The following EIF2AK4 variants were observed in gnomAD, a reference collection of about 807,000 sequenced individuals.
EIF2AK4 encodes the protein eukaryotic translation initiation factor 2 alpha kinase 4.
EIF2AK4 carries 139 observed loss-of-function variants against 211.1 expected under a neutral mutation model. The observed-to-expected ratio is 0.66, with a 90% confidence interval of 0.57 to 0.76. The LOEUF (loss-of-function observed/expected upper bound fraction) is 0.76. Ranked by LOEUF, EIF2AK4 falls within the 30% of genes least tolerant of loss-of-function variation. The pLI, the probability that EIF2AK4 is intolerant of heterozygous loss-of-function variation, is 0.00. For missense variants in EIF2AK4, 1,664 were observed against 2,043.8 expected (o/e 0.81, Z 3.58); for synonymous variants, 710 against 751.3 (o/e 0.94, Z 0.90).
intron 2 of EIF2AK4, among the ~76,000 whole-genome samples, chr15:39,940,959 A>C (rs976873254): frequency 2.0e-5 from 3 of 152,076 alleles, no homozygotes; most frequent in African/African-American, 7.2e-5. Flanking sequence ...CACAGAACTC[A>C]GTTTCTGTGA....
chr15:39,968,824 G>A (rs528663407), intron 9 of EIF2AK4, among the ~76,000 whole-genome samples: 1 of 151,950 alleles, frequency 6.6e-6, no homozygotes, highest in East Asian at 1.9e-4. Flanking sequence ...TTACAGATGT[G>A]AAAGTAGCTG....
At position 39,985,703 on chromosome 15, in the gene EIF2AK4, G is replaced by A. The variant is rs60196164; in HGVS notation, c.2320-102G>A. ...CACTGACTTCTCCCTAAGGCAACTG[G>A]GTGGCCCTGTGTTGGGGGTGGGCAC... On this transcript the variant is annotated intron_variant, in intron 13 of 38. Coordinates refer to ENST00000263791, the MANE Select transcript of EIF2AK4 (RefSeq NM_001013703.4). 6.4e-3 allele frequency: 6,204 copies of A among 963,742 alleles called. 235 individuals carry two copies. The African/African-American group carries it at 0.085, about 13-fold the overall frequency. The allele number at this position is 963,742 out of a possible 1,614,324, so 59.7% of individuals were successfully genotyped here.
rs1402462210 is a variant in EIF2AK4 at position 39,985,798 on chromosome 15, G to T, written c.2320-7G>T. The T allele has an allele frequency of 1.2e-6, 2 of 1,613,868 alleles. No individual in the cohort carries two copies. The highest frequency in any genetic ancestry group is 2.7e-5 in the African/African-American group (2 of 74,902). On this transcript the variant is annotated splice_region_variant and splice_polypyrimidine_tract_variant and intron_variant, in intron 13 of 38. Transcript: ENST00000263791. Reference sequence around the variant, plus strand: ...TTTTGAGTTATTGTGTGTTCGTCTTGGGTTAGGATGAAGATTGCAATGAAA... The same window carrying T: ...TTTTGAGTTATTGTGTGTTCGTCTTTGGTTAGGATGAAGATTGCAATGAAA...
intron 37 of EIF2AK4, 28 bp from the exon 38 acceptor site, chr15:40,034,298 T>A: frequency 6.3e-7 from 1 of 1,586,462 alleles, no homozygotes; most frequent in Non-Finnish European, 8.6e-7. Flanking sequence ...AGAGACCTGT[T>A]GTTAAGTCTT....
chr15:40,027,816 G>C, intron 33 of EIF2AK4, among the ~76,000 whole-genome samples: 1 of 151,904 alleles, frequency 6.6e-6, no homozygotes, highest in East Asian at 1.9e-4. Context: ...GCGTGAACCC[G>C]GGAGGTGGAG....
intron 6 of EIF2AK4, among the ~76,000 whole-genome samples, chr15:39,957,710 A>T (rs530520582): frequency 1.7e-4 from 26 of 152,318 alleles, no homozygotes; most frequent in African/African-American, 6.0e-4. Context: ...GACACATGGT[A>T]GGTGCCTGGT....
chr15:40,030,381 A>C lies in EIF2AK4; in HGVS notation c.4584A>C (p.Ala1528=), dbSNP rs1017094877. Residue 1528 remains alanine, a synonymous_variant, in exon 35 of 39, where the codon GCA becomes GCC. Coordinates refer to ENST00000263791, the MANE Select transcript of EIF2AK4 (RefSeq NM_001013703.4). The part of the protein sequence containing the change: ...NASGLFEIHG[A]TVVPIVSVLA... ...CAGGTTTGTTTGAAATCCATGGAGC[A>C]ACAGTGGTTCCCATTGTGAGTGTGC... The C allele has an allele frequency of 1.9e-6, 3 of 1,614,006 alleles. No individual in the cohort carries two copies. The African/African-American group carries it at 4.0e-5, about 22-fold the overall frequency.
chr15:39,992,193 G>A lies in EIF2AK4; in HGVS notation c.2650G>A (p.Asp884Asn), dbSNP rs201095191. Residue 884 changes from aspartate (D) to asparagine (N), a missense_variant, in exon 17 of 39, where the codon GAT (aspartate) becomes AAT (asparagine). Asp to Asn is a conservative substitution (Grantham distance 23). Transcript: ENST00000263791. ...LAFSADSKQD[D>N]QTGDLIKSDP... ...TTTTTAGGCTGACAGCAAACAAGACGATCAGACAGGAGACTTGATTAAGTC... is the reference window on the plus strand; with the variant it reads ...TTTTTAGGCTGACAGCAAACAAGACAATCAGACAGGAGACTTGATTAAGTC... 1.1e-5 allele frequency: 17 copies of A among 1,611,724 alleles called. No individual in the cohort carries two copies. Among genetic ancestry groups the A allele is most frequent in the African/African-American group, 5.3e-5 (4 of 74,970 alleles).
intron 29 of EIF2AK4, among the ~76,000 whole-genome samples, chr15:40,018,845 C>G (rs946230801): frequency 2.6e-5 from 4 of 152,116 alleles, no homozygotes; most frequent in Non-Finnish European, 5.9e-5. Flanking sequence ...ATTTCAAATA[C>G]TCAGTAGTCA....
At chr15:39,992,970 A>G in intron 18 of EIF2AK4, 122 bp downstream of exon 18, 1 of 915,042 alleles carries the variant, frequency 1.1e-6, no homozygotes, top group Non-Finnish European at 1.7e-6. Context: ...CACTCCAGGA[A>G]GGACTCATGG....
chr15:39,944,517 C>T (rs766695524), intron 3 of EIF2AK4, among the ~76,000 whole-genome samples: 8 of 148,278 alleles, frequency 5.4e-5, no homozygotes, highest in East Asian at 2.1e-4. Context: ...CTGCAAGCTC[C>T]GCCTCCCGGG....
intron 3 of EIF2AK4, among the ~76,000 whole-genome samples, chr15:39,945,660 G>A (rs1001171303): frequency 6.6e-6 from 1 of 152,062 alleles, no homozygotes; most frequent in African/African-American, 2.4e-5. Context: ...GTCTTATATG[G>A]AAGAAGGTGC....
In EIF2AK4 at chr15:40,022,360, A is replaced by C. The variant is rs191024605; in HGVS notation, c.4303-159A>C. 1.5e-3 allele frequency: 916 copies of C among 602,006 alleles called. 5 individuals are homozygous for C. Among genetic ancestry groups the C allele is most frequent in the Non-Finnish European group, 2.2e-3 (791 of 354,020 alleles). 37.3% of individuals were successfully genotyped at this position (602,006 alleles called of 1,614,324 possible). ...AGGCCTTGTTCCTCCCTTGAATTCT[A>C]TGCGGCTTCTTGCTTAATATTTATA... On this transcript the variant is annotated intron_variant, in intron 31 of 38. Transcript: ENST00000263791.
At chr15:40,024,009 C>T (rs1039236196) in intron 32 of EIF2AK4, among the ~76,000 whole-genome samples, 1 of 152,082 alleles carries the variant, frequency 6.6e-6, no homozygotes, top group African/African-American at 2.4e-5. Context: ...TATGTATGGC[C>T]CTCAAAGCTT....
chr15:39,966,622 G>T (rs1366766617), intron 8 of EIF2AK4, among the ~76,000 whole-genome samples: 2 of 152,024 alleles, frequency 1.3e-5, no homozygotes, highest in Non-Finnish European at 2.9e-5. Context: ...ATTCAGTATT[G>T]CATATTGCAG....
intron 4 of EIF2AK4, 66 bp from the exon 5 acceptor site, chr15:39,953,838 T>G: frequency 6.7e-7 from 1 of 1,488,066 alleles, no homozygotes; most frequent in Non-Finnish European, 9.2e-7. Context: ...TTTTCTGTAG[T>G]TCCATAATTT....
At chr15:39,972,125 G>A (rs1021700055) in intron 9 of EIF2AK4, among the ~76,000 whole-genome samples, 4 of 152,116 alleles carry the variant, frequency 2.6e-5, no homozygotes, top group African/African-American at 9.7e-5. Flanking sequence ...TTGGGAGGCC[G>A]AGACAGGCAG....
chr15:40,010,223 C>T (rs1271231469), intron 26 of EIF2AK4, among the ~76,000 whole-genome samples: 2 of 152,264 alleles, frequency 1.3e-5, no homozygotes, highest in Middle Eastern at 3.4e-3. Flanking sequence ...CTTTAGAGAC[C>T]GAGAGCAACT....
At chr15:40,017,501 CTA>C (rs202237104) in intron 29 of EIF2AK4, among the ~76,000 whole-genome samples, 81 of 26,062 alleles carry the variant, frequency 3.1e-3, no homozygotes, top group Non-Finnish European at 3.4e-3. Flanking sequence ...TACTCTGTTT[CTA>C]TATATATATA....
Sources: allele counts gnomAD v4.1 joint callset (sites outside exome capture counted in the v4.1 genomes callset), GRCh38; gene constraint gnomAD v4.1.1; transcripts MANE v1.5; gene names NCBI Gene and HGNC (gene_info 2026-07-23, HGNC 2026-07-21).